The following HDHD5 variants were observed in gnomAD, a reference collection of about 807,000 sequenced individuals.
HDHD5 encodes haloacid dehalogenase like hydrolase domain containing 5.
In HDHD5, 34 loss-of-function variants were observed where a neutral mutation model predicts 35.5. That is an observed-to-expected ratio of 0.96 (90% CI 0.73 to 1.28). The LOEUF (loss-of-function observed/expected upper bound fraction) is 1.28. Among genes scored for constraint, HDHD5 ranks in the 50% most tolerant of loss-of-function variants. The probability of loss-of-function intolerance (pLI) is 0.00; values close to 1 mark genes in which losing one functional copy is unlikely to be tolerated. For synonymous variants in HDHD5, 248 were observed against 240.6 expected (o/e 1.03, Z -0.29); for missense variants, 589 against 560.2 (o/e 1.05, Z -0.52).
intron 1 of HDHD5, among the ~76,000 whole-genome samples, chr22:17,158,182 G>A (rs569415555): frequency 1.3e-5 from 2 of 152,284 alleles, no homozygotes; most frequent in South Asian, 4.1e-4. Flanking sequence ...TTAGCCGGAT[G>A]TGGTGGCGGG....
chr22:17,164,294 C>A (rs944436168), intron 1 of HDHD5, among the ~76,000 whole-genome samples: 1 of 150,774 alleles, frequency 6.6e-6, no homozygotes, highest in Non-Finnish European at 1.5e-5. Flanking sequence ...CAAACTTGCA[C>A]AAATGTGTCT....
intron 1 of HDHD5, among the ~76,000 whole-genome samples, chr22:17,151,301 G>A (rs2061721898): frequency 1.3e-5 from 2 of 151,398 alleles, no homozygotes; most frequent in Admixed American, 6.6e-5. Context: ...CATACAAGAT[G>A]TTCTTCAATC....
upstream of HDHD5, among the ~76,000 whole-genome samples, chr22:17,160,201 CAG>C (rs1173226310): frequency 6.6e-6 from 1 of 152,164 alleles, no homozygotes; most frequent in Non-Finnish European, 1.5e-5. Flanking sequence ...AGGATATGGA[CAG>C]AGACTGCACT....
intron 1 of HDHD5, among the ~76,000 whole-genome samples, chr22:17,157,765 C>T (rs1471429453): frequency 6.6e-6 from 1 of 152,160 alleles, no homozygotes; most frequent in Non-Finnish European, 1.5e-5. Flanking sequence ...ACCTTAGCTG[C>T]TCCATATTTA....
upstream of HDHD5, among the ~76,000 whole-genome samples, chr22:17,162,953 G>A (rs5994187): frequency 0.4 from 60,364 of 152,080 alleles, 12,543 homozygotes; most frequent in East Asian, 0.62. Context: ...GTTGCTTAAC[G>A]CATCTTTATT....
At chr22:17,159,021 A>G in intron 1 of HDHD5, 105 bp downstream of exon 1, 2 of 1,043,558 alleles carry the variant, frequency 1.9e-6, no homozygotes, top group South Asian at 4.8e-5. Flanking sequence ...GGCAGTTCCC[A>G]GGAGGCTGGG....
At chr22:17,149,811 C>T in intron 1 of HDHD5, 66 bp from the exon 2 acceptor site, 1 of 1,418,972 alleles carries the variant, frequency 7.0e-7, no homozygotes, top group Non-Finnish European at 9.9e-7. Context: ...CAAAGAGAGG[C>T]TCAACACCAT....
In HDHD5 at chr22:17,159,180, A is replaced by C; in HGVS notation, c.72T>G (p.Ala24=). 4.1e-6 allele frequency: 5 copies of C among 1,213,986 alleles called. No individual in the cohort carries two copies. Among genetic ancestry groups the C allele is most frequent in the Non-Finnish European group, 5.1e-6 (5 of 975,688 alleles). 75.2% of individuals were successfully genotyped at this position (1,213,986 alleles called of 1,614,324 possible). A position where few individuals can be genotyped will look rare whatever the true frequency, so the allele number is the denominator to read the frequency against. The part of the protein sequence containing the change: ...RGLCWRAARA[A]AGLQGRPARR... ...GGGCGGGGCGGCCCTGGAGCCCCGC[A>C]GCCGCGCGCGCCGCCCGCCAGCAAA... Residue 24 remains alanine, a synonymous_variant, in exon 1 of 8, where the codon GCT becomes GCG. Transcript: ENST00000336737.
At chr22:17,159,419 G>A (rs1475161740), upstream of HDHD5, 2 of 722,028 alleles carry the variant, frequency 2.8e-6, no homozygotes, top group South Asian at 1.5e-5. Flanking sequence ...AGGCCAAAGG[G>A]GCTCCGTTGC....
chr22:17,138,481 G>T, intron 7 of HDHD5, 69 bp downstream of exon 7: 2 of 1,552,746 alleles, frequency 1.3e-6, no homozygotes, highest in Non-Finnish European at 8.8e-7. Context: ...GGAAATGGGG[G>T]TGAGAGTAGA....
chr22:17,158,838 G>A, intron 1 of HDHD5: 1 of 235,906 alleles, frequency 4.2e-6, no homozygotes, highest in Non-Finnish European at 8.1e-6. Context: ...GGGAAAACAG[G>A]GACGCGGAAA....
At chr22:17,142,773 G>C in intron 5 of HDHD5, 1 of 270,332 alleles carries the variant, frequency 3.7e-6, no homozygotes, top group South Asian at 6.0e-5. Context: ...TAATAAAGGG[G>C]ATATTCCAAT....
At position 17,148,328 on chromosome 22, in the gene HDHD5, A is replaced by G. The variant is rs928599377; in HGVS notation, c.443+120T>C. 8 of 813,234 alleles carry G rather than the reference A, an allele frequency of 9.8e-6. No individual in the cohort carries two copies. In the Admixed American group the frequency reaches 1.4e-4, roughly 14 times the overall value. The allele number at this position is 813,234 out of a possible 1,614,324, so 50.4% of individuals were successfully genotyped here. ...GAGCTGTCCTCCCTCCCCTGAGCCC[A>G]CAACATCGCCTGTGTACCCCAGCAC... On this transcript the variant is annotated intron_variant, in intron 3 of 7. Coordinates refer to ENST00000336737, the MANE Select transcript of HDHD5 (RefSeq NM_033070.3).
At chr22:17,142,996 T>G (rs1266994490) in intron 5 of HDHD5, 102 bp downstream of exon 5, 2 of 1,338,134 alleles carry the variant, frequency 1.5e-6, no homozygotes, top group Non-Finnish European at 1.0e-6. Flanking sequence ...CAAGGCCCCT[T>G]GCTGCTGAAC....
intron 7 of HDHD5, 34 bp from the exon 8 acceptor site, chr22:17,138,391 G>GT (rs1260666935): frequency 1.3e-6 from 2 of 1,588,388 alleles, no homozygotes; most frequent in African/African-American, 2.7e-5. Flanking sequence ...AAAGGAAAAA[G>GT]GAGAAAAAAC....
At chr22:17,156,766 C>G (rs2061797091) in intron 1 of HDHD5, among the ~76,000 whole-genome samples, 1 of 134,572 alleles carries the variant, frequency 7.4e-6, no homozygotes, top group Non-Finnish European at 1.6e-5. Flanking sequence ...ACAGAGCGAG[C>G]GAGACTCCGT....
chr22:17,145,609 T>C (rs937506631), intron 3 of HDHD5, among the ~76,000 whole-genome samples: 2 of 152,100 alleles, frequency 1.3e-5, no homozygotes, highest in Non-Finnish European at 2.9e-5. Flanking sequence ...GGAGGATCAT[T>C]TGAGCCCAGG....
In HDHD5 at chr22:17,138,106, C is replaced by A. The variant is rs1157738106; in HGVS notation, c.1187G>T (p.Gly396Val). 6.2e-7 allele frequency: 1 copy of A among 1,614,172 alleles called. No individual in the cohort carries two copies. Among genetic ancestry groups the A allele is most frequent in the Admixed American group, 1.7e-5 (1 of 60,026 alleles). Reference protein sequence around the residue: ...HGHRDLCFSPGLMEASHVVND... With the variant: ...HGHRDLCFSPVLMEASHVVND... ...CACCACGTGGGAGGCCTCCATGAGC[C>A]CTGGACTGAAGCATAAGTCTCGGTG... Residue 396 changes from glycine to valine, a missense_variant, in exon 8 of 8, where the codon GGG becomes GTG. Transcript: ENST00000336737.
chr22:17,162,423 C>G (rs2061869212), upstream of HDHD5, among the ~76,000 whole-genome samples: 1 of 152,208 alleles, frequency 6.6e-6, no homozygotes, highest in African/African-American at 2.4e-5. Context: ...GAGTTTCAGC[C>G]TAAGTCAGCA....
Sources: allele counts gnomAD v4.1 joint callset (sites outside exome capture counted in the v4.1 genomes callset), GRCh38; gene constraint gnomAD v4.1.1; transcripts MANE v1.5; gene names NCBI Gene and HGNC (gene_info 2026-07-23, HGNC 2026-07-21).